C4orf51: variants seen among roughly 807,000 people sequenced by gnomAD.
The protein encoded by C4orf51 is uncharacterized protein C4orf51.
In C4orf51, 25 loss-of-function variants were observed where a neutral mutation model predicts 25.2. The ratio of observed to expected loss-of-function variants is 0.99; its 90% CI spans 0.72 to 1.39. The LOEUF is 1.39. C4orf51 is among the 40% of genes most tolerant of loss of function. C4orf51 has a pLI of 0.00. For synonymous variants in C4orf51, 100 were observed against 84.5 expected, an observed-to-expected ratio of 1.18 and a Z score of -1.01; for missense variants, 252 against 239.6, an observed-to-expected ratio of 1.05 and a Z score of -0.34.
At chr4:145,731,648 C>A (rs1185776989) in intron 5 of C4orf51, among the ~76,000 whole-genome samples, 2 of 125,598 alleles carry the variant, frequency 1.6e-5, no homozygotes, top group Admixed American at 1.0e-4. Flanking sequence ...ATGGCGTGAT[C>A]TTGGCTCACT....
At chr4:145,735,988 T>A (rs1052503144), downstream of C4orf51, among the ~76,000 whole-genome samples, 67 of 152,256 alleles carry the variant, frequency 4.4e-4, no homozygotes, top group African/African-American at 1.3e-3. Context: ...CAGTGAAGCA[T>A]GTTTATGGAG....
downstream of C4orf51, among the ~76,000 whole-genome samples, chr4:145,772,744 C>T (rs1413253848): frequency 2.0e-5 from 3 of 152,224 alleles, no homozygotes; most frequent in Non-Finnish European, 4.4e-5. Context: ...AAGGCTCCTA[C>T]TGAATTAAAA....
downstream of C4orf51, chr4:145,754,483 A>C (rs1408619051): frequency 6.6e-6 from 1 of 152,352 alleles, no homozygotes; most frequent in Non-Finnish European, 1.5e-5. Context: ...GAGGGAGCAG[A>C]GTTGGAGAGA....
intron 1 of C4orf51, among the ~76,000 whole-genome samples, chr4:145,749,314 G>C (rs1281237170): frequency 6.6e-6 from 1 of 151,920 alleles, no homozygotes; most frequent in Non-Finnish European, 1.5e-5. Context: ...GCAGGCAACA[G>C]ATCATTGGGT....
chr4:145,738,512 GA>G (rs1732933559), intron 1 of C4orf51, among the ~76,000 whole-genome samples: 1 of 151,768 alleles, frequency 6.6e-6, no homozygotes, highest in Non-Finnish European at 1.5e-5. Flanking sequence ...GGTGTTTTAT[GA>G]AGAAACTAAG....
intron 1 of C4orf51, among the ~76,000 whole-genome samples, chr4:145,689,660 T>C (rs928684614): frequency 9.9e-5 from 15 of 151,988 alleles, no homozygotes; most frequent in African/African-American, 3.1e-4. Context: ...ACTATTAATA[T>C]TAAGTGTCAA....
downstream of C4orf51, chr4:145,757,887 G>GC (rs777135068): frequency 6.6e-6 from 1 of 152,088 alleles, no homozygotes; most frequent in Non-Finnish European, 1.5e-5. Context: ...AACCCTAACT[G>GC]CATTACTATA....
intron 5 of C4orf51, 66 bp downstream of exon 5, chr4:145,730,031 G>A: frequency 7.3e-7 from 1 of 1,364,064 alleles, no homozygotes; most frequent in East Asian, 2.3e-5. Context: ...GGGGTTCTGA[G>A]TGTCTCTACA....
At chr4:145,691,976 C>CACACAATATATTCATG (rs1427861062) in intron 1 of C4orf51, among the ~76,000 whole-genome samples, 5 of 151,878 alleles carry the variant, frequency 3.3e-5, no homozygotes, top group African/African-American at 9.7e-5. Context: ...TGATATACAG[C>CACACAATATATTCATG]TGATAGGAAT....
At chr4:145,705,729 T>C (rs1427125842) in intron 2 of C4orf51, among the ~76,000 whole-genome samples, 1 of 152,138 alleles carries the variant, frequency 6.6e-6, no homozygotes, top group African/African-American at 2.4e-5. Context: ...GGGTGGCTCT[T>C]GAATATTGAG....
the C4orf51 span, chr4:145,779,450 C>T: frequency 6.2e-7 from 1 of 1,614,258 alleles, no homozygotes; most frequent in Non-Finnish European, 8.5e-7. Flanking sequence ...AGGGAAAAAG[C>T]TGGTCATTGA....
At position 145,698,089 on chromosome 4, in the gene C4orf51, C is replaced by A. The variant is rs941936102; in HGVS notation, c.307+1457C>A. ...CCCTGAAATTAGTGAGGTTGAGAAC[C>A]TTGTTATATACTTGTTGGCCATGTG... On this transcript the variant is annotated intron_variant, in intron 2 of 5. Coordinates refer to ENST00000438731, the MANE Select transcript of C4orf51 (RefSeq NM_001080531.3). Among the ~76,000 whole-genome samples, 3 of 152,074 alleles carry A rather than the reference C, an allele frequency of 2.0e-5. No individual in the cohort carries two copies. In the South Asian group the frequency reaches 6.2e-4, roughly 31 times the overall value.
chr4:145,712,480 C>G (rs955921916), intron 2 of C4orf51, among the ~76,000 whole-genome samples: 1 of 152,186 alleles, frequency 6.6e-6, no homozygotes, highest in African/African-American at 2.4e-5. Context: ...AATAAAAGAT[C>G]AAAGCAGCCA....
intron 1 of C4orf51, among the ~76,000 whole-genome samples, chr4:145,692,166 C>CA (rs1729618976): frequency 1.3e-5 from 2 of 152,032 alleles, no homozygotes; most frequent in Admixed American, 1.3e-4. Context: ...CTAAAAGAAG[C>CA]AAAATGTAGA....
chr4:145,695,325 C>A (rs1729977251), intron 1 of C4orf51, among the ~76,000 whole-genome samples: 1 of 152,200 alleles, frequency 6.6e-6, no homozygotes, highest in Non-Finnish European at 1.5e-5. Context: ...ATTTGCATTT[C>A]TCTAATGATC....
At chr4:145,687,572 G>A (rs1363231565) in intron 1 of C4orf51, among the ~76,000 whole-genome samples, 1 of 152,170 alleles carries the variant, frequency 6.6e-6, no homozygotes, top group Non-Finnish European at 1.5e-5. Flanking sequence ...CCTCATTGTT[G>A]CTTAGGGGGA....
intron 1 of C4orf51, among the ~76,000 whole-genome samples, chr4:145,738,831 A>C (rs371980375): frequency 8.7e-4 from 133 of 152,106 alleles, no homozygotes; most frequent in African/African-American, 2.8e-3. Context: ...GGTAGAGATG[A>C]GGTTTCACCA....
At chr4:145,759,980 C>A (rs150798873) in intron 1 of C4orf51, 1 of 151,590 alleles carries the variant, frequency 6.6e-6, no homozygotes, top group Admixed American at 6.6e-5. Flanking sequence ...GGCACACACA[C>A]AAAACACACT....
At chr4:145,780,973 G>C in the C4orf51 span, among the ~76,000 whole-genome samples, 1 of 152,112 alleles carries the variant, frequency 6.6e-6, no homozygotes, top group African/African-American at 2.4e-5. Flanking sequence ...GAGGCAGGGG[G>C]ATCACAAGGT....
Sources: allele counts gnomAD v4.1 joint callset (sites outside exome capture counted in the v4.1 genomes callset), GRCh38; gene constraint gnomAD v4.1.1; transcripts MANE v1.5; gene names NCBI Gene and HGNC (gene_info 2026-07-23, HGNC 2026-07-21).